PLCXD1: variants seen among roughly 807,000 people sequenced by gnomAD.
PLCXD1 encodes PI-PLC X domain-containing protein 1.
Under a neutral mutation model 37.8 loss-of-function variants are expected in PLCXD1, and 45 were observed. The ratio of observed to expected loss-of-function variants is 1.19; its 90% CI spans 0.94 to 1.53. PLCXD1 has a LOEUF of 1.53. PLCXD1 is among the 40% of genes most tolerant of loss of function. The pLI is 0.00. For missense variants in PLCXD1, 539 were observed against 454.7 expected (o/e 1.19, Z -1.69); for synonymous variants, 246 against 206.9 (o/e 1.19, Z -1.62).
At chrX:285,416 A>T (rs1445510837) in intron 2 of PLCXD1, among the ~76,000 whole-genome samples, 1 of 152,154 alleles carries the variant, frequency 6.6e-6, no homozygotes, top group Non-Finnish European at 1.5e-5. Context: ...ATACACCTGC[A>T]GATATACACA....
At chrX:290,530 G>A (rs1344777005) in intron 3 of PLCXD1, 118 bp from the exon 4 acceptor site, 21 of 1,080,038 alleles carry the variant, frequency 1.9e-5, no homozygotes, top group Admixed American at 6.5e-5. Context: ...CTGTTGTTAC[G>A]ACATCCACGT....
chrX:279,534 A>G (rs140619116), upstream of PLCXD1, among the ~76,000 whole-genome samples: 1,698 of 152,162 alleles, frequency 0.011, 23 homozygotes, highest in African/African-American at 0.038. Context: ...CACTTTGGGA[A>G]GCCAAGGCGG....
chrX:289,799 CCG>C (rs1435038443), intron 3 of PLCXD1, among the ~76,000 whole-genome samples: 1 of 152,102 alleles, frequency 6.6e-6, no homozygotes, highest in Non-Finnish European at 1.5e-5. Context: ...GCGTCAGCCA[CCG>C]CGCCCGGCCG....
upstream of PLCXD1, among the ~76,000 whole-genome samples, chrX:279,605 G>A (rs770884640): frequency 2.6e-4 from 39 of 152,118 alleles, no homozygotes; most frequent in African/African-American, 9.4e-4. Flanking sequence ...GACCCCCGTT[G>A]CTACCAAAAA....
In PLCXD1 at chrX:288,708, G is replaced by C. The variant is rs768886010; in HGVS notation, c.128-25G>C. On this transcript the variant is annotated intron_variant, in intron 2 of 6. Transcript: ENST00000381657. ...GGCGGGGACGGACTCGTGGTGACAT[G>C]TCCGCGTGTGTGCTTTGCTCTCAGG... The C allele has an allele frequency of 4.5e-5, 72 of 1,613,396 alleles. 1 individual carries two copies. In the South Asian group the frequency reaches 7.8e-4, roughly 17 times the overall value.
chrX:294,276 A>G (rs750929673), intron 6 of PLCXD1, among the ~76,000 whole-genome samples: 59 of 152,216 alleles, frequency 3.9e-4, no homozygotes, highest in African/African-American at 1.3e-3. Flanking sequence ...AGGTCAGGAG[A>G]TCGAGACCAT....
At chrX:296,414 T>A (rs2069810037) in intron 6 of PLCXD1, among the ~76,000 whole-genome samples, 1 of 152,194 alleles carries the variant, frequency 6.6e-6, no homozygotes, top group Non-Finnish European at 1.5e-5. Flanking sequence ...TGAGCCACCG[T>A]GCCCAGCCTA....
chrX:293,065 CG>C lies in PLCXD1; in HGVS notation c.584del (p.Gly195AlafsTer32). The C allele has an allele frequency of 1.2e-6, 2 of 1,610,584 alleles. No homozygotes were observed. Among genetic ancestry groups the C allele is most frequent in the Non-Finnish European group, 1.7e-6 (2 of 1,179,084 alleles). On this transcript the variant is annotated frameshift_variant, in exon 6 of 7. Transcript: ENST00000381657. LOFTEE classifies it high-confidence loss of function. ...EVPTLRQLWS[R>X]GQQVIVSYED... Reference sequence around the variant, plus strand: ...GCCGACACTGCGGCAGCTGTGGTCCCGGGGCCAACAGGTCATCGTCTCCTAT... The same window carrying C: ...GCCGACACTGCGGCAGCTGTGGTCCCGGGCCAACAGGTCATCGTCTCCTAT...
intron 3 of PLCXD1, among the ~76,000 whole-genome samples, chrX:290,429 CAAAA>C (rs56084430): frequency 3.2e-5 from 4 of 126,292 alleles, no homozygotes; most frequent in Admixed American, 8.1e-5. Context: ...GACTCCGTCT[CAAAA>C]AAAAAAAAAA....
intron 6 of PLCXD1, among the ~76,000 whole-genome samples, chrX:293,705 G>A (rs139376567): frequency 1.1e-4 from 16 of 152,278 alleles, no homozygotes; most frequent in South Asian, 4.1e-4. Context: ...GAAAAAGAAC[G>A]AGGCTCTGAC....
chrX:291,133 A>G (rs1239470682), intron 4 of PLCXD1, among the ~76,000 whole-genome samples: 1 of 150,396 alleles, frequency 6.6e-6, no homozygotes, highest in Non-Finnish European at 1.5e-5. Flanking sequence ...TCCGTTACGG[A>G]GATTTCTTTT....
intron 1 of PLCXD1, among the ~76,000 whole-genome samples, chrX:282,703 C>CAA (rs34034222): frequency 0.016 from 1,747 of 109,462 alleles, 33 homozygotes; most frequent in African/African-American, 0.047. Flanking sequence ...GAAACTGTGT[C>CAA]AAAAAAAAAA....
chrX:284,294 T>C lies in PLCXD1; in HGVS notation c.107T>C (p.Leu36Pro). 2.5e-6 allele frequency: 4 copies of C among 1,613,278 alleles called. No homozygotes were observed. The highest frequency in any genetic ancestry group is 3.4e-6 in the Non-Finnish European group (4 of 1,179,828). ...ALCPRLWDVP[L>P]HHLSIPGSHD... ...TGTCCCCGGCTCTGGGATGTGCCCCTCCACCACCTCTCCATCCCAGGTGAG... is the reference window on the plus strand; with the variant it reads ...TGTCCCCGGCTCTGGGATGTGCCCCCCCACCACCTCTCCATCCCAGGTGAG... The change falls in exon 2 of 7, where the codon CTC becomes CCC. Residue 36 changes from leucine to proline, a missense_variant. Leu to Pro is a moderately conservative substitution (Grantham distance 98). Transcript: ENST00000381657.
At chrX:292,761 C>T in intron 5 of PLCXD1, among the ~76,000 whole-genome samples, 1 of 151,966 alleles carries the variant, frequency 6.6e-6, no homozygotes, top group Admixed American at 6.5e-5. Context: ...GACAGGCGTG[C>T]ACCACCGCAC....
At chrX:296,880 TCCC>T (rs2069828245) in intron 6 of PLCXD1, among the ~76,000 whole-genome samples, 4,016 of 110,152 alleles carry the variant, frequency 0.036, 2 homozygotes, top group Middle Eastern at 0.057. Context: ...TTATTCTGTC[TCCC>T]ACATGGGGAT....
At chrX:288,365 A>G (rs1052411621) in intron 2 of PLCXD1, among the ~76,000 whole-genome samples, 2 of 150,818 alleles carry the variant, frequency 1.3e-5, no homozygotes, top group Non-Finnish European at 3.0e-5. Context: ...GGCTCCAGGC[A>G]TCCCTGGGCT....
intron 5 of PLCXD1, among the ~76,000 whole-genome samples, 175 bp downstream of exon 5, chrX:291,829 G>C (rs1407945380): frequency 6.6e-6 from 1 of 152,146 alleles, no homozygotes; most frequent in Non-Finnish European, 1.5e-5. Context: ...TGACCCGGTG[G>C]GGTGGCTCCT....
intron 3 of PLCXD1, among the ~76,000 whole-genome samples, chrX:289,611 A>G (rs2069565031): frequency 6.9e-6 from 1 of 145,564 alleles, no homozygotes; most frequent in Non-Finnish European, 1.5e-5. Flanking sequence ...TCCCGGGTTC[A>G]CGCCATTCTC....
In PLCXD1 at chrX:300,564, G is replaced by A. The variant is rs181656498; in HGVS notation, c.*1229G>A. On this transcript the variant is annotated 3_prime_UTR_variant, in exon 7 of 7. Coordinates refer to ENST00000381657, the MANE Select transcript of PLCXD1 (RefSeq NM_018390.4). ...CATGTATATGTGTATGCATGTATAT[G>A]TGTATGTGTACATGTATATGTGTTT... The A allele has an allele frequency of 6.9e-6, 1 of 145,576 alleles. No homozygotes were observed. Among genetic ancestry groups the A allele is most frequent in the African/African-American group, 2.8e-5 (1 of 35,388 alleles). 9.0% of individuals were successfully genotyped at this position (145,576 alleles called of 1,614,324 possible). A position where few individuals can be genotyped will look rare whatever the true frequency, so the allele number is the denominator to read the frequency against.
Sources: allele counts gnomAD v4.1 joint callset (sites outside exome capture counted in the v4.1 genomes callset), GRCh38; gene constraint gnomAD v4.1.1; transcripts MANE v1.5; gene names NCBI Gene and HGNC (gene_info 2026-07-23, HGNC 2026-07-21).